SCAPER: variants seen among roughly 807,000 people sequenced by gnomAD.
SCAPER encodes the protein S-phase cyclin A associated protein in the ER.
Under a neutral mutation model 182.2 loss-of-function variants are expected in SCAPER, and 98 were observed. The ratio of observed to expected loss-of-function variants is 0.54; its 90% CI spans 0.46 to 0.64. The LOEUF is 0.64. Among genes scored for constraint, SCAPER ranks in the 30% least tolerant of loss-of-function variants. The probability of loss-of-function intolerance (pLI) is 0.00; values close to 1 mark genes in which losing one functional copy is unlikely to be tolerated. For synonymous variants in SCAPER, 605 were observed against 564.6 expected, an observed-to-expected ratio of 1.07 and a Z score of -1.01; for missense variants, 1,432 against 1,690.0, an observed-to-expected ratio of 0.85 and a Z score of 2.68.
intron 25 of SCAPER, among the ~76,000 whole-genome samples, chr15:76,467,001 T>C (rs1384390594): frequency 6.6e-6 from 1 of 152,118 alleles, no homozygotes; most frequent in Admixed American, 6.6e-5. Context: ...TCCCCCTTGC[T>C]GTTCTTGTGA....
intron 21 of SCAPER, among the ~76,000 whole-genome samples, chr15:76,652,273 AATAT>A (rs1172636102): frequency 4.4e-3 from 56 of 12,830 alleles, no homozygotes; most frequent in African/African-American, 6.0e-3. Context: ...AAAAAAAAAA[AATAT>A]ATATATATAT....
chr15:76,711,767 C>T (rs2059586875), intron 17 of SCAPER, among the ~76,000 whole-genome samples: 1 of 152,122 alleles, frequency 6.6e-6, no homozygotes, highest in Non-Finnish European at 1.5e-5. Context: ...ATCCTCCCCC[C>T]ATTTTTTGAT....
chr15:76,550,060 A>G (rs12437981), intron 23 of SCAPER, among the ~76,000 whole-genome samples: 51,521 of 152,040 alleles, frequency 0.34, 8,964 homozygotes, highest in East Asian at 0.55. Flanking sequence ...CGCTTTTGAC[A>G]TGGGGTTAAT....
At chr15:76,388,287 A>G (rs2043421212) in intron 27 of SCAPER, among the ~76,000 whole-genome samples, 1 of 152,170 alleles carries the variant, frequency 6.6e-6, no homozygotes, top group Non-Finnish European at 1.5e-5. Flanking sequence ...TATATGAAAT[A>G]AATCTATGGA....
intron 22 of SCAPER, among the ~76,000 whole-genome samples, chr15:76,615,853 A>G (rs1340607362): frequency 6.6e-6 from 1 of 151,796 alleles, no homozygotes; most frequent in Non-Finnish European, 1.5e-5. Flanking sequence ...ACAAATGTCC[A>G]AAAAGCACAC....
rs2072210992 is a variant in SCAPER, at chr15:76,865,464, T to G, written c.7-2931A>C. On this transcript the variant is annotated intron_variant, in intron 2 of 31. Coordinates refer to ENST00000563290, the MANE Select transcript of SCAPER (RefSeq NM_020843.4). ...CTGAAAACGGTTCAAAACAGAATGA[T>G]GAGAAAAATGGGGATACTGAGTATT... Among the ~76,000 whole-genome samples, 2 of 152,060 alleles carry G rather than the reference T, an allele frequency of 1.3e-5. 1 individual carries two copies. The highest frequency in any genetic ancestry group is 1.3e-4 in the Admixed American group (2 of 15,274).
intron 22 of SCAPER, among the ~76,000 whole-genome samples, chr15:76,592,250 G>A (rs544849920): frequency 8.0e-6 from 1 of 124,424 alleles, no homozygotes; most frequent in East Asian, 2.1e-4. Context: ...AGGAAAGGAA[G>A]ATATTTTAGA....
At position 76,497,124 on chromosome 15, in the gene SCAPER, T is replaced by TTTTTTTTTC. The variant is rs1555456895; in HGVS notation, c.2954+7734_2954+7735insGAAAAAAAA. ...TTGGTCTCCTCTTTTTTTTTTTTTTTCCCAAAACGGCCTTCCTTAGTCCTG... is the reference window on the plus strand; with the variant it reads ...TTGGTCTCCTCTTTTTTTTTTTTTTTTTTTTTTTCCCCAAAACGGCCTTCCTTAGTCCTG... On this transcript the variant is annotated intron_variant, in intron 24 of 31. Transcript: ENST00000563290. 9.3e-4 allele frequency among the ~76,000 whole-genome samples: 130 copies of TTTTTTTTTC among 139,470 alleles called. 2 individuals are homozygous for TTTTTTTTTC. The highest frequency in any genetic ancestry group is 1.8e-3 in the African/African-American group (64 of 35,406). The allele number at this position is 139,470 out of a possible 152,430, so 91.5% of individuals were successfully genotyped here.
chr15:76,580,756 G>A (rs989376397), intron 22 of SCAPER, among the ~76,000 whole-genome samples: 3 of 151,950 alleles, frequency 2.0e-5, no homozygotes, highest in South Asian at 4.2e-4. Context: ...CTTAAAGAAC[G>A]AGAAAAGCAA....
intron 20 of SCAPER, among the ~76,000 whole-genome samples, chr15:76,701,072 T>C (rs949324469): frequency 2.1e-5 from 3 of 143,510 alleles, no homozygotes; most frequent in African/African-American, 5.1e-5. Context: ...AGATTTATGC[T>C]CTTGACTAAT....
At chr15:76,630,756 A>G (rs1485686517) in intron 21 of SCAPER, among the ~76,000 whole-genome samples, 2 of 152,228 alleles carry the variant, frequency 1.3e-5, no homozygotes, top group African/African-American at 4.8e-5. Flanking sequence ...AAGCACCAAG[A>G]AGAATGTATA....
At chr15:76,728,555 A>C (rs996356211) in intron 17 of SCAPER, 40 bp downstream of exon 17, 3 of 1,610,426 alleles carry the variant, frequency 1.9e-6, no homozygotes, top group Admixed American at 3.4e-5. Context: ...TTGAATATTC[A>C]CTCAGTGCAA....
intron 21 of SCAPER, among the ~76,000 whole-genome samples, chr15:76,654,575 C>T (rs960063301): frequency 1.3e-5 from 2 of 152,140 alleles, no homozygotes; most frequent in African/African-American, 2.4e-5. Flanking sequence ...TCTCAAAGAA[C>T]TTAAAACAGG....
At chr15:76,904,810 G>C (rs1007568813) in intron 1 of SCAPER, 28 of 152,322 alleles carry the variant, frequency 1.8e-4, no homozygotes, top group African/African-American at 5.1e-4. Context: ...AGAGTACAGG[G>C]AAAGCATGGT....
intron 24 of SCAPER, among the ~76,000 whole-genome samples, chr15:76,483,293 T>C (rs1235009950): frequency 2.3e-5 from 1 of 42,904 alleles, no homozygotes; most frequent in Non-Finnish European, 7.2e-5. Context: ...GATATTCACA[T>C]GCAAAAAAAA....
chr15:76,789,813 C>A (rs993446497), intron 8 of SCAPER, among the ~76,000 whole-genome samples: 1 of 152,150 alleles, frequency 6.6e-6, no homozygotes, highest in Non-Finnish European at 1.5e-5. Flanking sequence ...TCATTAAGAA[C>A]GTTGTACTAA....
rs1453774475 is a variant in SCAPER at position 76,599,301 on chromosome 15, A to C, written c.2711+22463T>G. ...AAGGATATGAAACAGGAACTCTCAC[A>C]CATTGTTGGAAAGTAGGTAAAATGG... On this transcript the variant is annotated intron_variant, in intron 22 of 31. Transcript: ENST00000563290. 7.4e-5 allele frequency among the ~76,000 whole-genome samples: 9 copies of C among 122,336 alleles called. 1 individual carries two copies. The highest frequency in any genetic ancestry group is 2.2e-4 in the African/African-American group (9 of 40,056). 80.3% of individuals were successfully genotyped at this position (122,336 alleles called of 152,430 possible).
intron 24 of SCAPER, among the ~76,000 whole-genome samples, chr15:76,489,751 C>T (rs1470136074): frequency 6.6e-6 from 1 of 152,114 alleles, no homozygotes; most frequent in Non-Finnish European, 1.5e-5. Context: ...AGCATTTATT[C>T]ATCTTTTATT....
At chr15:76,739,417 G>C (rs1371961802) in intron 15 of SCAPER, among the ~76,000 whole-genome samples, 1 of 152,104 alleles carries the variant, frequency 6.6e-6, no homozygotes, top group Non-Finnish European at 1.5e-5. Context: ...TATCCAAATT[G>C]CTAGCATCAC....
Sources: gnomAD v4.1 joint callset for allele counts (sites outside exome capture counted in the v4.1 genomes callset) on GRCh38, gnomAD v4.1.1 for gene constraint, MANE v1.5 for transcripts, NCBI Gene and HGNC (gene_info 2026-07-23, HGNC 2026-07-21) for gene names.